The following ARIH1 variants were observed in gnomAD, a reference collection of about 807,000 sequenced individuals.
ARIH1 encodes the protein ariadne RBR E3 ubiquitin protein ligase 1.
A neutral mutation model predicts 85.0 loss-of-function variants in ARIH1; 8 were observed. That is an observed-to-expected ratio of 0.09 (90% CI 0.06 to 0.17). The LOEUF is 0.17. Ranked by LOEUF, ARIH1 falls within the 10% of genes least tolerant of loss-of-function variation. ARIH1 has a pLI of 1.00. For synonymous variants in ARIH1, 238 were observed against 253.6 expected, an observed-to-expected ratio of 0.94 and a Z score of 0.59; for missense variants, 311 against 718.1, an observed-to-expected ratio of 0.43 and a Z score of 6.48.
At chr15:72,483,071 A>G (rs1173093185) in intron 1 of ARIH1, among the ~76,000 whole-genome samples, 2 of 152,034 alleles carry the variant, frequency 1.3e-5, no homozygotes, top group East Asian at 1.9e-4. Flanking sequence ...CATGTTGCCT[A>G]GGCTGCTCTT....
intron 11 of ARIH1, among the ~76,000 whole-genome samples, chr15:72,578,310 A>G (rs1255979725): frequency 2.0e-5 from 3 of 152,222 alleles, no homozygotes; most frequent in African/African-American, 7.2e-5. Context: ...TTCTATAACA[A>G]CGATGACATC....
At chr15:72,505,697 A>G (rs2063921660) in intron 1 of ARIH1, among the ~76,000 whole-genome samples, 1 of 152,102 alleles carries the variant, frequency 6.6e-6, no homozygotes, top group Admixed American at 6.6e-5. Flanking sequence ...CTCATTAACA[A>G]ATTATGACCT....
intron 11 of ARIH1, among the ~76,000 whole-genome samples, chr15:72,580,149 A>T: frequency 6.6e-6 from 1 of 152,082 alleles, no homozygotes; most frequent in East Asian, 1.9e-4. Context: ...CTGTGAGTTC[A>T]ACTTTTTTAG....
Position 72,577,159 on chromosome 15 carries a change from AT to A in ARIH1, c.1216-3567del, listed in dbSNP as rs2064275386. Among the ~76,000 whole-genome samples, 5 of 151,092 alleles carry A rather than the reference AT, an allele frequency of 3.3e-5. No individual in the cohort carries two copies. The South Asian group carries it at 1.0e-3, about 32-fold the overall frequency. On this transcript the variant is annotated intron_variant, in intron 11 of 13. Transcript: ENST00000379887. Reference sequence around the variant, plus strand: ...CACCATGCCTGGCTAATTTTTTTGTATTTTTAGTAGAGACGGGATTTCATCA... The same window carrying A: ...CACCATGCCTGGCTAATTTTTTTGTATTTTAGTAGAGACGGGATTTCATCA...
At chr15:72,581,435 G>A (rs2064294769) in intron 12 of ARIH1, 1 of 159,012 alleles carries the variant, frequency 6.3e-6, no homozygotes, top group African/African-American at 2.4e-5. Context: ...CTTTATTCAG[G>A]CTAAACTAAC....
intron 5 of ARIH1, 37 bp downstream of exon 5, chr15:72,555,944 G>A (rs1462845641): frequency 6.4e-7 from 1 of 1,564,282 alleles, no homozygotes. Context: ...GTGAATATTG[G>A]TTAGTTGGTT....
At chr15:72,521,867 A>G (rs1335078099) in intron 2 of ARIH1, among the ~76,000 whole-genome samples, 1 of 152,112 alleles carries the variant, frequency 6.6e-6, no homozygotes, top group African/African-American at 2.4e-5. Flanking sequence ...AACTTTCTAA[A>G]AAATACTTCT....
In ARIH1 at chr15:72,583,542, T is replaced by C. The variant is rs2064303039; in HGVS notation, c.*250T>C. 2 of 382,818 alleles carry C rather than the reference T, an allele frequency of 5.2e-6. No homozygotes were observed. Among genetic ancestry groups the C allele is most frequent in the African/African-American group, 4.1e-5 (2 of 48,516 alleles). The allele number at this position is 382,818 out of a possible 1,614,324, so 23.7% of individuals were successfully genotyped here. A position where few individuals can be genotyped will look rare whatever the true frequency, so the allele number is the denominator to read the frequency against. On this transcript the variant is annotated 3_prime_UTR_variant, in exon 14 of 14. Coordinates refer to ENST00000379887, the MANE Select transcript of ARIH1 (RefSeq NM_005744.5). ...CAGACACACTAAAAGCCCTCCAACT[T>C]TAACTTGTAACGTAGCTTCATTCTC...
Position 72,474,797 on chromosome 15 carries a change from G to A in ARIH1, c.158G>A (p.Gly53Asp). The change falls in exon 1 of 14, where the codon GGC becomes GAC. Residue 53 changes from glycine to aspartate, a missense_variant. Gly to Asp is a moderately conservative substitution (Grantham distance 94). This residue lies in a region of ARIH1 where 157 missense variants were observed against 185.1 expected (regional missense o/e 0.85). Transcript: ENST00000379887. ...GEVELVEPGL[G>D]VGGERDGLLC... Reference sequence around the variant, plus strand: ...GTGGAGCTGGTGGAGCCCGGGCTGGGCGTCGGCGGGGAGCGGGACGGACTG... The same window carrying A: ...GTGGAGCTGGTGGAGCCCGGGCTGGACGTCGGCGGGGAGCGGGACGGACTG... 2.0e-6 allele frequency: 3 copies of A among 1,501,418 alleles called. No homozygotes were observed. The highest frequency in any genetic ancestry group is 2.7e-6 in the Non-Finnish European group (3 of 1,121,308). 93.0% of individuals were successfully genotyped at this position (1,501,418 alleles called of 1,614,324 possible).
chr15:72,579,042 CCAAAG>C (rs1295059290), intron 11 of ARIH1, among the ~76,000 whole-genome samples: 1 of 152,056 alleles, frequency 6.6e-6, no homozygotes, highest in Non-Finnish European at 1.5e-5. Flanking sequence ...CCTCAGCCTC[CCAAAG>C]TGCTAGGATT....
intron 6 of ARIH1, among the ~76,000 whole-genome samples, chr15:72,562,976 C>T (rs777244414): frequency 6.6e-6 from 1 of 151,722 alleles, no homozygotes; most frequent in Non-Finnish European, 1.5e-5. Flanking sequence ...GTAATTATCC[C>T]CCATTTGCCC....
chr15:72,561,928 G>T (rs1423465620), intron 6 of ARIH1, among the ~76,000 whole-genome samples: 1 of 152,136 alleles, frequency 6.6e-6, no homozygotes, highest in Non-Finnish European at 1.5e-5. Context: ...AGCCGAGATG[G>T]CGCCACTGCA....
chr15:72,506,943 A>G (rs965457752), intron 1 of ARIH1, among the ~76,000 whole-genome samples: 1 of 152,060 alleles, frequency 6.6e-6, no homozygotes, highest in Non-Finnish European at 1.5e-5. Flanking sequence ...TCTGCTAAAT[A>G]TAGGAATGTC....
In ARIH1 at chr15:72,546,585, C is replaced by T. The variant is rs572595350; in HGVS notation, c.588+1621C>T. Reference sequence around the variant, plus strand: ...GCAGCCTCAAACTCCTGGGCTCAAGCGATCCTCCCACCTCAGCCTCCCAAG... The same window carrying T: ...GCAGCCTCAAACTCCTGGGCTCAAGTGATCCTCCCACCTCAGCCTCCCAAG... On this transcript the variant is annotated intron_variant, in intron 3 of 13. Transcript: ENST00000379887. Among the ~76,000 whole-genome samples the T allele has an allele frequency of 1.4e-3, 208 of 151,178 alleles. 1 individual carries two copies. Among genetic ancestry groups the T allele is most frequent in the African/African-American group, 4.8e-3 (198 of 41,168 alleles).
At chr15:72,561,147 T>A (rs2064195840) in intron 5 of ARIH1, among the ~76,000 whole-genome samples, 1 of 152,188 alleles carries the variant, frequency 6.6e-6, no homozygotes, top group South Asian at 2.1e-4. Context: ...TCTTAAGGCA[T>A]GATATGATAT....
chr15:72,478,756 A>G (rs938979679), intron 1 of ARIH1, among the ~76,000 whole-genome samples: 9 of 152,304 alleles, frequency 5.9e-5, no homozygotes, highest in Admixed American at 4.6e-4. Flanking sequence ...TAGTTAATCC[A>G]CTGTCACGAT....
At chr15:72,524,636 T>A (rs1448502719) in intron 2 of ARIH1, among the ~76,000 whole-genome samples, 3 of 152,218 alleles carry the variant, frequency 2.0e-5, no homozygotes, top group Non-Finnish European at 4.4e-5. Context: ...AAGATTCCAC[T>A]CCTTCCCCAA....
intron 3 of ARIH1, among the ~76,000 whole-genome samples, chr15:72,551,678 A>G (rs911223064): frequency 2.6e-5 from 4 of 152,216 alleles, no homozygotes; most frequent in Admixed American, 2.6e-4. Context: ...CTGTGAGTGA[A>G]GAGCTTCTGT....
chr15:72,542,515 T>C (rs1301366736), intron 2 of ARIH1, among the ~76,000 whole-genome samples: 1 of 152,232 alleles, frequency 6.6e-6, no homozygotes, highest in African/African-American at 2.4e-5. Context: ...TATTTATATG[T>C]GGCACATTTA....
Sources: gnomAD v4.1 joint callset for allele counts (sites outside exome capture counted in the v4.1 genomes callset) on GRCh38, gnomAD v4.1.1 for gene constraint, gnomAD v4.1.1 regional missense constraint, MANE v1.5 for transcripts, NCBI Gene and HGNC (gene_info 2026-07-23, HGNC 2026-07-21) for gene names.